Variants in PKP4 observed in about 807,000 individuals in gnomAD.
PKP4 encodes plakophilin 4, also known as plakophilin-4.
In PKP4, 90 loss-of-function variants were observed where a neutral mutation model predicts 145.1. That is an observed-to-expected ratio of 0.62 (90% CI 0.52 to 0.74). PKP4 has a LOEUF of 0.74. Among genes scored for constraint, PKP4 ranks in the 30% least tolerant of loss-of-function variants. The probability of loss-of-function intolerance (pLI) is 0.00; values close to 1 mark genes in which losing one functional copy is unlikely to be tolerated. For missense variants in PKP4, 1,340 were observed against 1,482.7 expected (o/e 0.90, Z 1.58); for synonymous variants, 563 against 577.2 (o/e 0.98, Z 0.35).
At chr2:158,473,474 A>G (rs1691932333) in intron 1 of PKP4, among the ~76,000 whole-genome samples, 1 of 152,244 alleles carries the variant, frequency 6.6e-6, no homozygotes, top group Admixed American at 6.5e-5. Context: ...AATACTATGC[A>G]GCCATAAAAA....
chr2:158,596,125 A>G (rs914186356), intron 3 of PKP4, among the ~76,000 whole-genome samples: 4 of 152,072 alleles, frequency 2.6e-5, no homozygotes, highest in African/African-American at 9.7e-5. Context: ...GAAAGCCTAT[A>G]CATTTGCTAA....
At chr2:158,494,721 A>G (rs1391526794) in intron 1 of PKP4, among the ~76,000 whole-genome samples, 1 of 152,192 alleles carries the variant, frequency 6.6e-6, no homozygotes, top group Non-Finnish European at 1.5e-5. Context: ...TTATAACCAA[A>G]TAGAGATTTT....
At chr2:158,606,203 G>C (rs529398002) in intron 4 of PKP4, among the ~76,000 whole-genome samples, 6 of 152,198 alleles carry the variant, frequency 3.9e-5, no homozygotes, top group Admixed American at 3.9e-4. Flanking sequence ...CAGAGTGGCT[G>C]TACCATTTAA....
intron 1 of PKP4, among the ~76,000 whole-genome samples, chr2:158,529,625 A>G (rs984447184): frequency 1.3e-5 from 2 of 152,184 alleles, no homozygotes; most frequent in African/African-American, 2.4e-5. Context: ...CTATCATCCT[A>G]GTGACTTACA....
intron 9 of PKP4, among the ~76,000 whole-genome samples, chr2:158,635,399 A>G (rs1382960829): frequency 1.3e-5 from 2 of 152,118 alleles, no homozygotes; most frequent in Non-Finnish European, 2.9e-5. Context: ...GTCTAATAAC[A>G]CCTACAGCTT....
intron 6 of PKP4, among the ~76,000 whole-genome samples, chr2:158,622,119 A>G (rs568983901): frequency 6.8e-4 from 104 of 152,280 alleles, no homozygotes; most frequent in Non-Finnish European, 1.3e-3. Context: ...AGGGTGCTAT[A>G]CCCACACCTG....
intron 1 of PKP4, among the ~76,000 whole-genome samples, chr2:158,501,255 G>A (rs1696518503): frequency 6.6e-6 from 1 of 152,152 alleles, no homozygotes; most frequent in African/African-American, 2.4e-5. Context: ...AATGGTAACC[G>A]CTCACTTAAC....
chr2:158,582,413 G>A (rs935643246), intron 3 of PKP4, among the ~76,000 whole-genome samples: 1 of 152,142 alleles, frequency 6.6e-6, no homozygotes, highest in African/African-American at 2.4e-5. Flanking sequence ...TAAAAGTTGG[G>A]AAATTAGGGC....
At chr2:158,478,350 T>G (rs1692817811) in intron 1 of PKP4, among the ~76,000 whole-genome samples, 1 of 151,928 alleles carries the variant, frequency 6.6e-6, no homozygotes, top group African/African-American at 2.4e-5. Context: ...GCAGATGACG[T>G]GCTGTGGTTT....
chr2:158,639,280 C>G (rs184399561), intron 9 of PKP4, among the ~76,000 whole-genome samples: 1 of 152,094 alleles, frequency 6.6e-6, no homozygotes, highest in African/African-American at 2.4e-5. Flanking sequence ...GTATCTCCAG[C>G]ACCATAGCAC....
chr2:158,522,407 G>A (rs985977652), intron 1 of PKP4, among the ~76,000 whole-genome samples: 3 of 152,036 alleles, frequency 2.0e-5, no homozygotes, highest in Non-Finnish European at 4.4e-5. Flanking sequence ...CAGAAAAATT[G>A]CCTGTTAATC....
chr2:158,531,890 A>C (rs1232272672), intron 1 of PKP4, among the ~76,000 whole-genome samples: 1 of 152,218 alleles, frequency 6.6e-6, no homozygotes, highest in Non-Finnish European at 1.5e-5. Context: ...GGAAATGCAC[A>C]GATAAACTAA....
intron 9 of PKP4, among the ~76,000 whole-genome samples, chr2:158,634,725 C>G (rs531127708): frequency 2.6e-4 from 40 of 152,338 alleles, no homozygotes; most frequent in Middle Eastern, 6.8e-3. Flanking sequence ...TGTTTTCAAT[C>G]ATAGTGGTCA....
chr2:158,562,156 T>C (rs532453875), intron 2 of PKP4, among the ~76,000 whole-genome samples: 2 of 152,326 alleles, frequency 1.3e-5, no homozygotes, highest in South Asian at 2.1e-4. Context: ...AGATATGTTT[T>C]GTTGCAGAAT....
At chr2:158,491,781 G>A (rs80194772) in intron 1 of PKP4, among the ~76,000 whole-genome samples, 1,568 of 151,734 alleles carry the variant, frequency 0.01, 19 homozygotes, top group African/African-American at 0.026. Flanking sequence ...GGTATTCTTC[G>A]TGCTTTCTTT....
intron 1 of PKP4, among the ~76,000 whole-genome samples, chr2:158,482,766 G>A (rs1221400582): frequency 4.6e-5 from 7 of 151,712 alleles, no homozygotes; most frequent in African/African-American, 1.7e-4. Flanking sequence ...GGCCTGGGAG[G>A]TTGAGGCTGC....
At chr2:158,528,224 C>T (rs907806775) in intron 1 of PKP4, among the ~76,000 whole-genome samples, 16 of 99,204 alleles carry the variant, frequency 1.6e-4, no homozygotes, top group African/African-American at 4.4e-4. Flanking sequence ...ATAGCAAAGA[C>T]TTGGAACCAA....
chr2:158,513,367 G>A (rs1001330488), intron 1 of PKP4, among the ~76,000 whole-genome samples: 1 of 152,088 alleles, frequency 6.6e-6, no homozygotes, highest in Non-Finnish European at 1.5e-5. Context: ...ATACTGAGGC[G>A]AGCAGGATGG....
rs1385290585 is a variant in PKP4, at chr2:158,605,962, G to GT, written c.280+2859dup. Among the ~76,000 whole-genome samples the GT allele has an allele frequency of 6.6e-5, 10 of 152,136 alleles. 1 individual carries two copies. The highest frequency in any genetic ancestry group is 8.8e-5 in the Non-Finnish European group (6 of 68,026). On this transcript the variant is annotated intron_variant, in intron 4 of 21. Transcript: ENST00000389759. ...TCAAGGTTCATCCTTATCATAGCAT[G>GT]TAACAGTAGTTTATTCCTTTTTATG...
Sources: gnomAD v4.1 joint callset for allele counts (sites outside exome capture counted in the v4.1 genomes callset) on GRCh38, gnomAD v4.1.1 for gene constraint, MANE v1.5 for transcripts, NCBI Gene and HGNC (gene_info 2026-07-23, HGNC 2026-07-21) for gene names.